The following KHDRBS2 variants were observed in gnomAD, a reference collection of about 807,000 sequenced individuals.
KHDRBS2 encodes the protein KH domain-containing, RNA-binding, signal transduction-associated protein 2.
A neutral mutation model predicts 44.3 loss-of-function variants in KHDRBS2; 26 were observed. That is an observed-to-expected ratio of 0.59 (90% CI 0.43 to 0.81). The LOEUF is 0.81. Among genes scored for constraint, KHDRBS2 ranks in the 40% least tolerant of loss-of-function variants. KHDRBS2 has a pLI of 0.00. For missense variants in KHDRBS2, 476 were observed against 433.1 expected (o/e 1.10, Z -0.88); for synonymous variants, 194 against 151.1 (o/e 1.28, Z -2.08).
intron 1 of KHDRBS2, among the ~76,000 whole-genome samples, chr6:62,270,364 C>T (rs1839898716): frequency 7.4e-6 from 1 of 134,956 alleles, no homozygotes; most frequent in South Asian, 2.7e-4. Context: ...CGCCATGTGA[C>T]ATATCAGCTC....
chr6:62,117,956 A>T (rs901233313), intron 2 of KHDRBS2, among the ~76,000 whole-genome samples: 1 of 151,966 alleles, frequency 6.6e-6, no homozygotes, highest in East Asian at 1.9e-4. Context: ...TTGTATTTTT[A>T]GTAGAGATGG....
the KHDRBS2 span, among the ~76,000 whole-genome samples, chr6:61,566,714 G>A: frequency 2.8e-4 from 28 of 99,162 alleles, no homozygotes; most frequent in African/African-American, 8.5e-4. Context: ...TTTAAAAAAC[G>A]TTCGCTCTTT....
intron 6 of KHDRBS2, among the ~76,000 whole-genome samples, chr6:61,865,631 AC>A (rs1797670483): frequency 1.3e-5 from 2 of 152,026 alleles, no homozygotes; most frequent in South Asian, 4.1e-4. Flanking sequence ...CCCTCGTCCC[AC>A]CCAAATCTCA....
intron 6 of KHDRBS2, among the ~76,000 whole-genome samples, chr6:61,835,267 C>T (rs1284468175): frequency 2.0e-5 from 3 of 152,056 alleles, no homozygotes; most frequent in Non-Finnish European, 4.4e-5. Flanking sequence ...AATCACCCTT[C>T]TCATGCCTAC....
At chr6:61,557,289 A>T in the KHDRBS2 span, among the ~76,000 whole-genome samples, 1 of 152,220 alleles carries the variant, frequency 6.6e-6, no homozygotes, top group African/African-American at 2.4e-5. Context: ...CATTAATCAC[A>T]GTATAATAGC....
intron 2 of KHDRBS2, among the ~76,000 whole-genome samples, chr6:62,103,188 C>A (rs1468516367): frequency 6.6e-6 from 1 of 152,174 alleles, no homozygotes; most frequent in African/African-American, 2.4e-5. Flanking sequence ...AGCTTCCAGG[C>A]TTCCAGTCAT....
intron 4 of KHDRBS2, among the ~76,000 whole-genome samples, chr6:61,962,929 A>C (rs1173802454): frequency 6.6e-5 from 10 of 152,114 alleles, no homozygotes; most frequent in Admixed American, 6.6e-5. Context: ...AAATGTGTGA[A>C]TAGGTCTTTG....
chr6:61,856,412 T>A (rs1342374769), intron 6 of KHDRBS2, among the ~76,000 whole-genome samples: 1 of 152,134 alleles, frequency 6.6e-6, no homozygotes, highest in African/African-American at 2.4e-5. Context: ...TTATTTTTAC[T>A]CAGAGCAGAG....
chr6:61,902,471 A>C (rs1236520706), intron 4 of KHDRBS2, among the ~76,000 whole-genome samples: 1 of 151,994 alleles, frequency 6.6e-6, no homozygotes, highest in Non-Finnish European at 1.5e-5. Context: ...TCAAAAAACA[A>C]GTGCCAGTAT....
At chr6:61,715,832 C>A (rs1479074100) in intron 7 of KHDRBS2, among the ~76,000 whole-genome samples, 1 of 151,296 alleles carries the variant, frequency 6.6e-6, no homozygotes, top group Non-Finnish European at 1.5e-5. Context: ...TTGTGTTGGA[C>A]AGAATTTAGA....
chr6:62,260,802 T>G (rs1838213648), intron 1 of KHDRBS2, among the ~76,000 whole-genome samples: 1 of 151,938 alleles, frequency 6.6e-6, no homozygotes, highest in East Asian at 1.9e-4. Flanking sequence ...TTTCCATTCC[T>G]GTTGTTTTTA....
At chr6:61,677,549 A>C (rs1480285985), downstream of KHDRBS2, among the ~76,000 whole-genome samples, 1 of 151,946 alleles carries the variant, frequency 6.6e-6, no homozygotes, top group Non-Finnish European at 1.5e-5. Context: ...TAATGATAAA[A>C]TTGACTAAAT....
the KHDRBS2 span, among the ~76,000 whole-genome samples, chr6:61,624,406 T>G: frequency 6.6e-6 from 1 of 152,208 alleles, no homozygotes. Flanking sequence ...TACATTGGTG[T>G]TGTTCCTTTC....
intron 4 of KHDRBS2, among the ~76,000 whole-genome samples, chr6:61,929,846 C>T (rs576991099): frequency 3.9e-5 from 6 of 152,116 alleles, no homozygotes; most frequent in South Asian, 2.1e-4. Flanking sequence ...TTAACATAAA[C>T]GTGTCATCTC....
At chr6:61,582,481 A>T in the KHDRBS2 span, among the ~76,000 whole-genome samples, 4 of 151,828 alleles carry the variant, frequency 2.6e-5, no homozygotes, top group Non-Finnish European at 5.9e-5. Flanking sequence ...ATAGTGTTCA[A>T]AATATCACTA....
chr6:61,655,516 A>C, the KHDRBS2 span, among the ~76,000 whole-genome samples: 1 of 152,064 alleles, frequency 6.6e-6, no homozygotes, highest in Non-Finnish European at 1.5e-5. Flanking sequence ...TGGTCTCCCA[A>C]AGTGTTGGGA....
Position 61,766,612 on chromosome 6 carries a change from C to T in KHDRBS2, c.811-33848G>A, listed in dbSNP as rs116302446. Among the ~76,000 whole-genome samples the T allele has an allele frequency of 4.4e-3, 668 of 151,956 alleles. 9 individuals are homozygous for T. The highest frequency in any genetic ancestry group is 0.015 in the African/African-American group (641 of 41,490). ...TAGGCATATATAGCTATGAACTTCC[C>T]TCTTAGTACTTCTTTTGCTGTATCT... On this transcript the variant is annotated intron_variant, in intron 6 of 8. Transcript: ENST00000281156.
the KHDRBS2 span, among the ~76,000 whole-genome samples, chr6:61,614,794 G>A: frequency 6.6e-6 from 1 of 152,258 alleles, no homozygotes; most frequent in South Asian, 2.1e-4. Context: ...TCTGAATGCG[G>A]TATGACCTTG....
intron 6 of KHDRBS2, among the ~76,000 whole-genome samples, chr6:61,858,249 AG>A (rs1259197683): frequency 5.5e-5 from 8 of 144,878 alleles, no homozygotes; most frequent in African/African-American, 2.2e-4. Flanking sequence ...ATGCAATTTA[AG>A]AAAAAAAAAA....
Sources: gnomAD v4.1 joint callset for allele counts (sites outside exome capture counted in the v4.1 genomes callset) on GRCh38, gnomAD v4.1.1 for gene constraint, MANE v1.5 for transcripts, NCBI Gene and HGNC (gene_info 2026-07-23, HGNC 2026-07-21) for gene names.